Variants in TBC1D1 observed in about 807,000 individuals in gnomAD.
The protein encoded by TBC1D1 is TBC1 (tre-2/USP6, BUB2, cdc16) domain family, member 1.
TBC1D1 carries 89 observed loss-of-function variants against 125.6 expected under a neutral mutation model. That is an observed-to-expected ratio of 0.71 (90% CI 0.60 to 0.85). The LOEUF is 0.85. Ranked by LOEUF, TBC1D1 falls within the 40% of genes least tolerant of loss-of-function variation. The probability of loss-of-function intolerance (pLI) is 0.00; values close to 1 mark genes in which losing one functional copy is unlikely to be tolerated. For missense variants in TBC1D1, 1,377 were observed against 1,469.2 expected, an observed-to-expected ratio of 0.94 and a Z score of 1.03; for synonymous variants, 565 against 564.1, an observed-to-expected ratio of 1.00 and a Z score of -0.02.
At chr4:37,902,557 T>A (rs753949889) in intron 2 of TBC1D1, 45 bp downstream of exon 2, 5 of 1,472,914 alleles carry the variant, frequency 3.4e-6, no homozygotes, top group South Asian at 2.6e-5. Context: ...GGCTGGCTGG[T>A]TTTTATTGTA....
intron 2 of TBC1D1, among the ~76,000 whole-genome samples, chr4:37,942,858 G>A (rs1323807998): frequency 1.3e-5 from 2 of 152,154 alleles, no homozygotes; most frequent in Non-Finnish European, 2.9e-5. Flanking sequence ...ATTGTTATAT[G>A]TGAATTTGAT....
chr4:38,103,266 A>G, intron 15 of TBC1D1, 109 bp downstream of exon 17: 1 of 1,125,642 alleles, frequency 8.9e-7, no homozygotes, highest in Non-Finnish European at 1.3e-6. Flanking sequence ...TTAGCAATCA[A>G]AATTTACTAC....
chr4:37,893,062 T>C (rs1434823759), intron 1 of TBC1D1, among the ~76,000 whole-genome samples: 1 of 152,198 alleles, frequency 6.6e-6, no homozygotes, highest in Non-Finnish European at 1.5e-5. Flanking sequence ...TCAAGCAGCA[T>C]GGCTGTTACC....
Position 38,096,203 on chromosome 4 carries a change from C to A in TBC1D1, c.2398+113C>A, listed in dbSNP as rs922686154. The A allele has an allele frequency of 9.9e-6, 8 of 805,084 alleles. No individual in the cohort carries two copies. The African/African-American group carries it at 1.4e-4, about 14-fold the overall frequency. The allele number at this position is 805,084 out of a possible 1,614,324, so 49.9% of individuals were successfully genotyped here. ...TTTTAGTGGCCATCTCCCTTCTTTT[C>A]ATCACATCTTAATCTATTTCCATAT... On this transcript the variant is annotated intron_variant, in intron 14 of 19. Transcript: ENST00000261439.
At chr4:38,090,146 G>A (rs749851568) in intron 13 of TBC1D1, 29 bp downstream of exon 15, 30 of 1,607,168 alleles carry the variant, frequency 1.9e-5, no homozygotes, top group Admixed American at 3.4e-5. Flanking sequence ...TATTGAACAG[G>A]CCTGGTCTTA....
At position 38,045,802 on chromosome 4, in the gene TBC1D1, C is replaced by G; in HGVS notation, c.1543-15C>G. The G allele has an allele frequency of 1.2e-6, 2 of 1,611,872 alleles. No individual in the cohort carries two copies. The highest frequency in any genetic ancestry group is 8.5e-7 in the Non-Finnish European group (1 of 1,177,978). Reference sequence around the variant, plus strand: ...GCCTCCAGAGTCATAACTCGACTGCCTTTTCTTTATGTAGGGTAATAAAGC... The same window carrying G: ...GCCTCCAGAGTCATAACTCGACTGCGTTTTCTTTATGTAGGGTAATAAAGC... On this transcript the variant is annotated splice_polypyrimidine_tract_variant and intron_variant, in intron 9 of 19. Coordinates refer to ENST00000261439, the MANE Select transcript of TBC1D1 (RefSeq NM_015173.4).
At chr4:37,925,490 G>A (rs1429226826) in intron 2 of TBC1D1, among the ~76,000 whole-genome samples, 7 of 152,070 alleles carry the variant, frequency 4.6e-5, no homozygotes, top group Non-Finnish European at 1.0e-4. Context: ...GGTCGAGGTG[G>A]GGGGATCATG....
chr4:38,081,754 C>T (rs1578600692), intron 12 of TBC1D1, among the ~76,000 whole-genome samples: 1 of 152,060 alleles, frequency 6.6e-6, no homozygotes. Flanking sequence ...CTATTATTAT[C>T]GGTGATTTAT....
At chr4:38,104,625 G>A (rs1760953394) in intron 15 of TBC1D1, among the ~76,000 whole-genome samples, 1 of 152,170 alleles carries the variant, frequency 6.6e-6, no homozygotes, top group East Asian at 1.9e-4. Context: ...CGGTGGCCCG[G>A]TTCTCTGATT....
intron 18 of TBC1D1, among the ~76,000 whole-genome samples, chr4:38,129,245 G>A (rs1765172731): frequency 6.6e-6 from 1 of 152,174 alleles, no homozygotes; most frequent in Non-Finnish European, 1.5e-5. Context: ...CAGGGTTCCT[G>A]TATTCAGAAG....
At chr4:38,023,221 T>C (rs906626833) in intron 6 of TBC1D1, among the ~76,000 whole-genome samples, 1 of 144,060 alleles carries the variant, frequency 6.9e-6, no homozygotes, top group Non-Finnish European at 1.5e-5. Flanking sequence ...TGCTCCAGCC[T>C]GGGCAACAGA....
intron 2 of TBC1D1, among the ~76,000 whole-genome samples, chr4:37,903,681 G>A (rs564037730): frequency 6.6e-6 from 1 of 152,298 alleles, no homozygotes; most frequent in Non-Finnish European, 1.5e-5. Context: ...TCAAGTAGAT[G>A]CCCTTTTGCT....
At chr4:38,025,918 T>G (rs1011255966) in intron 6 of TBC1D1, among the ~76,000 whole-genome samples, 6 of 152,174 alleles carry the variant, frequency 3.9e-5, no homozygotes, top group African/African-American at 1.4e-4. Context: ...AGCTTGCTCT[T>G]GTATTGCAGC....
At chr4:38,130,651 T>C (rs1203897453) in intron 18 of TBC1D1, among the ~76,000 whole-genome samples, 1 of 152,196 alleles carries the variant, frequency 6.6e-6, no homozygotes, top group Non-Finnish European at 1.5e-5. Flanking sequence ...CAGCTTTGTG[T>C]AGTGACCAGT....
rs1733392492 is a variant in TBC1D1 at position 37,977,438 on chromosome 4, C to T, written c.418-37071C>T. ...AGCCCGCCCCCGGCCGCCCGCGGGC[C>T]CACGGGCCGGCGGCGGGAGTGAGCG... is the stretch of plus-strand genomic sequence containing the variant. On this transcript the variant is annotated intron_variant, in intron 2 of 19. Transcript: ENST00000261439. This position sits in a 1 kb window ranked among gnomAD's most constrained non-coding sequence, Gnocchi z 4.3. The T allele has an allele frequency of 1.0e-6, 1 of 975,846 alleles. No individual in the cohort carries two copies. The highest frequency in any genetic ancestry group is 1.2e-6 in the Non-Finnish European group (1 of 820,292). The allele number at this position is 975,846 out of a possible 1,614,324, so 60.4% of individuals were successfully genotyped here. A position where few individuals can be genotyped will look rare whatever the true frequency, so the allele number is the denominator to read the frequency against.
chr4:37,947,075 G>A (rs1253562392), intron 2 of TBC1D1, among the ~76,000 whole-genome samples: 6 of 152,176 alleles, frequency 3.9e-5, no homozygotes, highest in African/African-American at 1.2e-4. Flanking sequence ...ATTATGCTGA[G>A]CAAAACAACG....
rs188635097 is a variant in TBC1D1, at chr4:37,992,714, T to G, written c.418-21795T>G. Among the ~76,000 whole-genome samples the G allele has an allele frequency of 7.8e-4, 119 of 151,976 alleles. 1 individual carries two copies. Among genetic ancestry groups the G allele is most frequent in the African/African-American group, 2.7e-3 (112 of 41,478 alleles). ...TTTCACCGTGTTAGCCAGATGGTCTTGATCTCCTGACCTCGTGATCTGCCC... is the reference window on the plus strand; with the variant it reads ...TTTCACCGTGTTAGCCAGATGGTCTGGATCTCCTGACCTCGTGATCTGCCC... On this transcript the variant is annotated intron_variant, in intron 2 of 19. Transcript: ENST00000261439.
At chr4:38,067,352 T>A (rs998565805) in intron 12 of TBC1D1, among the ~76,000 whole-genome samples, 4 of 152,248 alleles carry the variant, frequency 2.6e-5, no homozygotes, top group African/African-American at 9.6e-5. Context: ...TGGAGAATGT[T>A]CGATGAACAG....
intron 17 of TBC1D1, 85 bp from the exon 20 acceptor site, chr4:38,124,877 T>C: frequency 8.4e-7 from 1 of 1,185,228 alleles, no homozygotes; most frequent in East Asian, 2.3e-5. Flanking sequence ...ACACTCCTGC[T>C]CTGTGATGTG....
Sources: allele counts gnomAD v4.1 joint callset (sites outside exome capture counted in the v4.1 genomes callset), GRCh38; gene constraint gnomAD v4.1.1; non-coding constraint Gnocchi (gnomAD v3.1); transcripts MANE v1.5; gene names NCBI Gene and HGNC (gene_info 2026-07-23, HGNC 2026-07-21).